The following TBC1D5 variants were observed in gnomAD, a reference collection of about 807,000 sequenced individuals.
TBC1D5 encodes TBC1 domain family, member 5.
TBC1D5 carries 75 observed loss-of-function variants against 100.3 expected under a neutral mutation model. That is an observed-to-expected ratio of 0.75 (90% CI 0.62 to 0.91). The LOEUF is 0.91. Among genes scored for constraint, TBC1D5 ranks in the 40% least tolerant of loss-of-function variants. The pLI, the probability that TBC1D5 is intolerant of heterozygous loss-of-function variation, is 0.00. For missense variants in TBC1D5, 910 were observed against 942.4 expected (o/e 0.97, Z 0.45); for synonymous variants, 323 against 325.6 (o/e 0.99, Z 0.09).
At chr3:17,307,582 G>C (rs560343071) in intron 14 of TBC1D5, among the ~76,000 whole-genome samples, 41 of 152,162 alleles carry the variant, frequency 2.7e-4, no homozygotes, top group African/African-American at 9.6e-4. Flanking sequence ...TAATTAGCAA[G>C]GTGTTGATAT....
chr3:17,606,015 T>C (rs1243821464), intron 2 of TBC1D5, among the ~76,000 whole-genome samples: 1 of 152,220 alleles, frequency 6.6e-6, no homozygotes, highest in Non-Finnish European at 1.5e-5. Context: ...TAAATTGTGA[T>C]AGACTAGAAC....
chr3:17,696,746 T>A (rs544930129), intron 1 of TBC1D5, among the ~76,000 whole-genome samples: 1 of 152,290 alleles, frequency 6.6e-6, no homozygotes, highest in Non-Finnish European at 1.5e-5. Flanking sequence ...CCTCCCTAAC[T>A]CATTTTATGA....
intron 8 of TBC1D5, among the ~76,000 whole-genome samples, chr3:17,398,873 TAAATAA>T (rs1337487195): frequency 3.3e-5 from 5 of 152,038 alleles, no homozygotes; most frequent in African/African-American, 1.2e-4. Context: ...TGGACCTAAA[TAAATAA>T]AAGACCAAAC....
chr3:17,499,037 A>C (rs1247422367), intron 3 of TBC1D5, among the ~76,000 whole-genome samples: 1 of 152,168 alleles, frequency 6.6e-6, no homozygotes, highest in Non-Finnish European at 1.5e-5. Context: ...AGAGTGATTA[A>C]GGAAGTCCTT....
intron 14 of TBC1D5, among the ~76,000 whole-genome samples, chr3:17,300,215 A>G (rs2082689635): frequency 1.3e-5 from 2 of 152,338 alleles, no homozygotes; most frequent in South Asian, 4.1e-4. Flanking sequence ...ACACCATTTT[A>G]TGTCTCAGAA....
intron 4 of TBC1D5, among the ~76,000 whole-genome samples, chr3:17,419,816 G>C (rs890584534): frequency 3.3e-5 from 5 of 152,080 alleles, no homozygotes; most frequent in Non-Finnish European, 1.5e-5. Context: ...GGTGGGACTA[G>C]AGGCATGTGC....
intron 2 of TBC1D5, among the ~76,000 whole-genome samples, chr3:17,511,202 A>T (rs915912742): frequency 1.3e-5 from 2 of 152,042 alleles, no homozygotes; most frequent in African/African-American, 4.8e-5. Context: ...AGAACAGATT[A>T]AACACTTTTC....
chr3:17,678,361 T>A (rs1048323938), intron 1 of TBC1D5, among the ~76,000 whole-genome samples: 2 of 152,096 alleles, frequency 1.3e-5, no homozygotes, highest in African/African-American at 2.4e-5. Context: ...AAACACAGAT[T>A]AACCACATGA....
intron 3 of TBC1D5, among the ~76,000 whole-genome samples, chr3:17,487,460 A>T (rs1157365987): frequency 6.6e-6 from 1 of 152,214 alleles, no homozygotes; most frequent in Non-Finnish European, 1.5e-5. Flanking sequence ...GAATTCTTAC[A>T]AGAACTGTTA....
intron 1 of TBC1D5, among the ~76,000 whole-genome samples, chr3:17,671,942 C>A (rs2067991802): frequency 1.3e-5 from 2 of 152,158 alleles, no homozygotes; most frequent in South Asian, 4.1e-4. Context: ...ATGATCCAGA[C>A]CTAGCAATTC....
intron 1 of TBC1D5, among the ~76,000 whole-genome samples, chr3:17,691,500 A>C (rs532199888): frequency 4.5e-4 from 68 of 152,334 alleles, no homozygotes; most frequent in African/African-American, 1.5e-3. Context: ...AACTGGAGAA[A>C]GCACAGGCAA....
chr3:17,262,803 TG>T (rs1165709502), intron 15 of TBC1D5, among the ~76,000 whole-genome samples: 1 of 151,976 alleles, frequency 6.6e-6, no homozygotes, highest in Non-Finnish European at 1.5e-5. Context: ...TTTTTTTAAA[TG>T]CGTTTGTTTT....
intron 13 of TBC1D5, among the ~76,000 whole-genome samples, chr3:17,359,958 C>T (rs775090105): frequency 1.8e-4 from 27 of 151,898 alleles, no homozygotes; most frequent in Non-Finnish European, 3.5e-4. Flanking sequence ...GGATGTTTTA[C>T]CCACATTTAA....
At chr3:17,169,899 C>A (rs1357318045) in intron 19 of TBC1D5, among the ~76,000 whole-genome samples, 1 of 152,212 alleles carries the variant, frequency 6.6e-6, no homozygotes, top group Non-Finnish European at 1.5e-5. Flanking sequence ...TTATCAGGCA[C>A]TGGAGTCTCA....
intron 13 of TBC1D5, among the ~76,000 whole-genome samples, chr3:17,328,254 A>G (rs1197853925): frequency 2.6e-5 from 4 of 151,548 alleles, no homozygotes; most frequent in Non-Finnish European, 5.9e-5. Context: ...TGAGTGACAG[A>G]GGAGACCCTG....
chr3:17,569,755 T>A (rs1454989808), intron 2 of TBC1D5, among the ~76,000 whole-genome samples: 1 of 151,152 alleles, frequency 6.6e-6, no homozygotes, highest in Non-Finnish European at 1.5e-5. Flanking sequence ...TACTGATTAT[T>A]AGGCAATATA....
intron 3 of TBC1D5, among the ~76,000 whole-genome samples, chr3:17,447,184 C>T (rs1371823452): frequency 1.3e-5 from 2 of 151,952 alleles, no homozygotes; most frequent in African/African-American, 4.8e-5. Flanking sequence ...GTGACAGTCA[C>T]CAGAGTAAAA....
chr3:17,408,493 T>C (rs1161782665), intron 4 of TBC1D5, among the ~76,000 whole-genome samples: 2 of 152,002 alleles, frequency 1.3e-5, no homozygotes, highest in African/African-American at 4.8e-5. Context: ...CTGGCTACTT[T>C]TGTAACTTTT....
chr3:17,643,115 C>G (rs2064685562), intron 1 of TBC1D5, among the ~76,000 whole-genome samples: 1 of 152,002 alleles, frequency 6.6e-6, no homozygotes, highest in Non-Finnish European at 1.5e-5. Flanking sequence ...CCTTAGCCTC[C>G]CCCAATCTGT....
Sources: allele counts gnomAD v4.1 joint callset (sites outside exome capture counted in the v4.1 genomes callset), GRCh38; gene constraint gnomAD v4.1.1; transcripts MANE v1.5; gene names NCBI Gene and HGNC (gene_info 2026-07-23, HGNC 2026-07-21).